DNAH7: variants seen among roughly 807,000 people sequenced by gnomAD.
DNAH7 encodes dynein axonemal heavy chain 7, also known as axonemal beta dynein heavy chain 7.
In DNAH7, 397 loss-of-function variants were observed where a neutral mutation model predicts 444.6. The ratio of observed to expected loss-of-function variants is 0.89; its 90% CI spans 0.82 to 0.97. The LOEUF (loss-of-function observed/expected upper bound fraction) is 0.97, where lower values mean the gene tolerates loss of function less well. Among genes scored for constraint, DNAH7 ranks in the 50% least tolerant of loss-of-function variants. The probability of loss-of-function intolerance (pLI) is 0.00; values close to 1 mark genes in which losing one functional copy is unlikely to be tolerated. For synonymous variants in DNAH7, 1,636 were observed against 1,624.4 expected, an observed-to-expected ratio of 1.01 and a Z score of -0.17; for missense variants, 4,902 against 4,800.8, an observed-to-expected ratio of 1.02 and a Z score of -0.62.
chr2:196,013,021 G>A (rs1199017957), intron 9 of DNAH7, 115 bp from the exon 10 acceptor site: 1 of 703,014 alleles, frequency 1.4e-6, no homozygotes, highest in African/African-American at 1.9e-5. Flanking sequence ...ATTAAAAATT[G>A]TGTTCTATAT....
intron 19 of DNAH7, among the ~76,000 whole-genome samples, chr2:195,947,093 TTATATAATTATAATA>T (rs1689861703): frequency 6.8e-6 from 1 of 147,866 alleles, no homozygotes; most frequent in South Asian, 2.1e-4. Flanking sequence ...ATATATATAT[TTATATAATTATAATA>T]TATATAATTA....
At chr2:195,862,969 G>C (rs1700109589) in intron 41 of DNAH7, among the ~76,000 whole-genome samples, 1 of 152,174 alleles carries the variant, frequency 6.6e-6, no homozygotes, top group Admixed American at 6.5e-5. Flanking sequence ...CTGGGAGGCA[G>C]AGGTTGCAGT....
At chr2:195,837,546 G>A (rs1355134520) in intron 47 of DNAH7, among the ~76,000 whole-genome samples, 2 of 152,138 alleles carry the variant, frequency 1.3e-5, no homozygotes, top group Admixed American at 6.5e-5. Flanking sequence ...GGCTTAGTGG[G>A]GGAACCATGC....
In DNAH7 at chr2:195,926,431, TC is replaced by T; in HGVS notation, c.3606del (p.Ile1203Ter). On this transcript the variant is annotated frameshift_variant, in exon 22 of 65. Coordinates refer to ENST00000312428, the MANE Select transcript of DNAH7 (RefSeq NM_018897.3). LOFTEE classifies it high-confidence loss of function. ...TKEVQTAIPM[G>X]IKALEQYLKT... ...GAGGGTTAATAAAACCTTACCTTTA[TC>T]CCCATTGGAATAGCTGTTTGTACTT... 1.3e-6 allele frequency: 2 copies of T among 1,576,366 alleles called. No individual in the cohort carries two copies. The highest frequency in any genetic ancestry group is 8.6e-7 in the Non-Finnish European group (1 of 1,164,558).
intron 19 of DNAH7, among the ~76,000 whole-genome samples, chr2:195,938,244 T>C (rs1395558510): frequency 6.6e-6 from 1 of 151,980 alleles, no homozygotes; most frequent in Non-Finnish European, 1.5e-5. Flanking sequence ...AACATGAATA[T>C]ATAAATCATA....
Position 196,048,341 on chromosome 2 carries a change from C to T in DNAH7, c.205G>A (p.Asp69Asn), listed in dbSNP as rs1270636365. 1 of 1,613,900 alleles carries T rather than the reference C, an allele frequency of 6.2e-7. No homozygotes were observed. Among genetic ancestry groups the T allele is most frequent in the Admixed American group, 1.7e-5 (1 of 60,006 alleles). ...PSFHLSVKQD[D>N]ESPEPFSVKN... Reference sequence around the variant, plus strand: ...ACACTAAATGGTTCTGGACTCTCATCATCCTGCTTTACACTCAAATGGAAT... The same window carrying T: ...ACACTAAATGGTTCTGGACTCTCATTATCCTGCTTTACACTCAAATGGAAT... The change falls in exon 4 of 65, where the codon GAT becomes AAT. Residue 69 changes from aspartate to asparagine, a missense_variant. Coordinates refer to ENST00000312428, the MANE Select transcript of DNAH7 (RefSeq NM_018897.3).
intron 8 of DNAH7, among the ~76,000 whole-genome samples, chr2:196,021,168 T>G (rs980580199): frequency 6.6e-5 from 10 of 152,162 alleles, no homozygotes; most frequent in African/African-American, 2.2e-4. Context: ...CTACCATATC[T>G]GAAGTCTGTG....
chr2:195,961,156 A>G (rs1005723676), intron 17 of DNAH7, among the ~76,000 whole-genome samples: 3 of 152,192 alleles, frequency 2.0e-5, no homozygotes, highest in Admixed American at 6.5e-5. Flanking sequence ...TTTATGGTAC[A>G]TAACATGTTT....
At chr2:195,953,538 C>T (rs1232311489) in intron 19 of DNAH7, among the ~76,000 whole-genome samples, 1 of 152,158 alleles carries the variant, frequency 6.6e-6, no homozygotes, top group Non-Finnish European at 1.5e-5. Flanking sequence ...TGCCCACAGC[C>T]GCCCCTTCCC....
chr2:195,980,951 A>G (rs576772126), intron 15 of DNAH7, among the ~76,000 whole-genome samples: 2 of 152,318 alleles, frequency 1.3e-5, no homozygotes, highest in East Asian at 1.9e-4. Context: ...CAAGGATGCC[A>G]ATTTTCACCA....
chr2:195,811,470 C>T (rs926863441), intron 51 of DNAH7, among the ~76,000 whole-genome samples: 3 of 152,180 alleles, frequency 2.0e-5, no homozygotes, highest in African/African-American at 7.2e-5. Flanking sequence ...CCCACTTCAG[C>T]CTCCCAGGTA....
intron 12 of DNAH7, among the ~76,000 whole-genome samples, chr2:195,996,264 C>A (rs1328008807): frequency 6.6e-6 from 1 of 152,102 alleles, no homozygotes; most frequent in Non-Finnish European, 1.5e-5. Context: ...TCCTTAGCTG[C>A]AAAATTTGCA....
intron 36 of DNAH7, among the ~76,000 whole-genome samples, chr2:195,879,588 C>T (rs970403317): frequency 1.3e-5 from 2 of 152,094 alleles, no homozygotes; most frequent in African/African-American, 4.8e-5. Flanking sequence ...TATAATACTA[C>T]CGCAGATAAA....
intron 62 of DNAH7, 46 bp from the exon 63 acceptor site, chr2:195,754,560 T>A (rs752443641): frequency 1.3e-6 from 2 of 1,529,138 alleles, no homozygotes; most frequent in South Asian, 1.3e-5. Flanking sequence ...CCTTTCAACC[T>A]TTTTTTCTTT....
intron 15 of DNAH7, among the ~76,000 whole-genome samples, chr2:195,976,451 C>T (rs1307804777): frequency 6.6e-6 from 1 of 151,994 alleles, no homozygotes; most frequent in Non-Finnish European, 1.5e-5. Flanking sequence ...TACTCCAGGC[C>T]CTGGCTCCCA....
At position 196,068,682 on chromosome 2, in the gene DNAH7, G is replaced by C. The variant is rs201688446; in HGVS notation, c.15+15C>G. 28 of 1,551,018 alleles carry C rather than the reference G, an allele frequency of 1.8e-5. No individual in the cohort carries two copies. Among genetic ancestry groups the C allele is most frequent in the Non-Finnish European group, 2.4e-5 (27 of 1,147,032 alleles). On this transcript the variant is annotated intron_variant, in intron 1 of 64. Transcript: ENST00000312428. ...TCGCGGCGGCGGCGAGCCTGGCAAA[G>C]AGCAGCCCTCTCACCTGCTCACTGC...
rs1553612689 is a variant in DNAH7, at chr2:196,047,492, G to A, written c.258C>T (p.Tyr86=). The change falls in exon 5 of 65, where the codon TAC becomes TAT. Residue 86 remains tyrosine (Y), a synonymous_variant. Coordinates refer to ENST00000312428, the MANE Select transcript of DNAH7 (RefSeq NM_018897.3). ...TGCCCTTTTTTCCAAAACGTTCCAT[G>A]TATTCAGCTTAAATTAAAACAAAAA... ...SVKNEQSHAE[Y]MERFGKKGKL... 3 of 1,576,688 alleles carry A rather than the reference G, an allele frequency of 1.9e-6. No homozygotes were observed. The highest frequency in any genetic ancestry group is 4.6e-5 in the East Asian group (2 of 43,918).
At chr2:195,935,880 G>A (rs1689014970) in intron 20 of DNAH7, among the ~76,000 whole-genome samples, 1 of 152,136 alleles carries the variant, frequency 6.6e-6, no homozygotes, top group Non-Finnish European at 1.5e-5. Context: ...AAAGGAGGCT[G>A]CCCCTTTTAC....
At chr2:195,916,783 T>C (rs964818743) in intron 24 of DNAH7, among the ~76,000 whole-genome samples, 1 of 149,458 alleles carries the variant, frequency 6.7e-6, no homozygotes, top group Non-Finnish European at 1.5e-5. Context: ...ATTTGAAGCC[T>C]GGAGACGGAG....
Sources: gnomAD v4.1 joint callset for allele counts (sites outside exome capture counted in the v4.1 genomes callset) on GRCh38, gnomAD v4.1.1 for gene constraint, MANE v1.5 for transcripts, NCBI Gene and HGNC (gene_info 2026-07-23, HGNC 2026-07-21) for gene names.